FNBP4: variants seen among roughly 807,000 people sequenced by gnomAD.
FNBP4 encodes formin-binding protein 4.
FNBP4 carries 34 observed loss-of-function variants against 119.3 expected under a neutral mutation model. The observed-to-expected ratio is 0.28, with a 90% CI of 0.22 to 0.38. The LOEUF is 0.38. Among genes scored for constraint, FNBP4 ranks in the 10% least tolerant of loss-of-function variants. The pLI is 1.00. For synonymous variants in FNBP4, 462 were observed against 430.6 expected (o/e 1.07, Z -0.90); for missense variants, 1,112 against 1,228.9 (o/e 0.90, Z 1.42).
intron 2 of FNBP4, among the ~76,000 whole-genome samples, chr11:47,761,754 G>C (rs1025248401): frequency 2.0e-5 from 3 of 151,474 alleles, no homozygotes; most frequent in African/African-American, 7.3e-5. Context: ...TCTACAGAAA[G>C]AAAAAAAATT....
Position 47,734,040 on chromosome 11 carries a change from C to T in FNBP4, c.1671G>A (p.Leu557=). Reference sequence around the variant, plus strand: ...AAAGACTTACCTCAGTCTGTAAGAGCAGCACATGAAAGTTGGAGATGGATT... The same window carrying T: ...AAAGACTTACCTCAGTCTGTAAGAGTAGCACATGAAAGTTGGAGATGGATT... ...NRQSISNFHV[L]LLQTETRIAD... Residue 557 remains leucine, a synonymous_variant, in exon 10 of 17, where the codon CTG becomes CTA. Coordinates refer to ENST00000263773, the MANE Select transcript of FNBP4 (RefSeq NM_015308.5). 6.5e-7 allele frequency: 1 copy of T among 1,532,182 alleles called. No homozygotes were observed. 94.9% of individuals were successfully genotyped at this position (1,532,182 alleles called of 1,614,324 possible).
chr11:47,719,865 C>T (rs1473572904), intron 16 of FNBP4, 64 bp downstream of exon 16: 2 of 1,517,628 alleles, frequency 1.3e-6, no homozygotes, highest in African/African-American at 2.8e-5. Context: ...CAACCTACTC[C>T]ATCTCATAGT....
At position 47,732,651 on chromosome 11, in the gene FNBP4, C is replaced by T. The variant is rs758975107; in HGVS notation, c.1706G>A (p.Arg569Gln). The change falls in exon 11 of 17, where the codon CGG becomes CAG. Residue 569 changes from arginine to glutamine, a missense_variant. Physicochemically the swap from Arg to Gln is conservative, Grantham distance 43. Coordinates refer to ENST00000263773, the MANE Select transcript of FNBP4 (RefSeq NM_015308.5). The surrounding 1 kb of genome is among the most constrained non-coding windows in gnomAD (Gnocchi z 4.2). ...LQTETRIADW[R>Q]EGALNGNYLK... is the part of the protein sequence containing the mutation. ...GTAGTTTCCATTAAGAGCCCCTTCC[C>T]GCCAGTCTGCAATTCGAGTCTAGAA... is the stretch of plus-strand genomic sequence containing the variant. The T allele has an allele frequency of 6.8e-6, 11 of 1,614,038 alleles. No individual in the cohort carries two copies. The highest frequency in any genetic ancestry group is 1.3e-5 in the African/African-American group (1 of 74,910).
At chr11:47,766,087 C>T (rs1445187280) in intron 1 of FNBP4, among the ~76,000 whole-genome samples, 1 of 151,960 alleles carries the variant, frequency 6.6e-6, no homozygotes, top group Admixed American at 6.6e-5. Flanking sequence ...TGGCTCTCGC[C>T]TGTAATGATC....
chr11:47,754,383 G>A, intron 3 of FNBP4, 145 bp downstream of exon 3: 1 of 777,052 alleles, frequency 1.3e-6, no homozygotes, highest in East Asian at 2.6e-5. Flanking sequence ...AAGAGAGATA[G>A]AGATCGGGAG....
rs1010774944 is a variant in FNBP4 at position 47,732,165 on chromosome 11, C to T, written c.1820+372G>A. ...TGTTCTTCATTCACATCTTCAGCCA[C>T]GAAGTTTTCCTTAACTTCACCGAGG... On this transcript the variant is annotated intron_variant, in intron 11 of 16. Transcript: ENST00000263773. The surrounding 1 kb of genome is among the most constrained non-coding windows in gnomAD (Gnocchi z 4.2). The T allele has an allele frequency of 9.8e-7, 1 of 1,018,612 alleles. No homozygotes were observed. The highest frequency in any genetic ancestry group is 1.2e-6 in the Non-Finnish European group (1 of 852,032). The allele number at this position is 1,018,612 out of a possible 1,614,324, so 63.1% of individuals were successfully genotyped here.
At chr11:47,750,762 G>A (rs1345619008) in intron 6 of FNBP4, among the ~76,000 whole-genome samples, 154 bp downstream of exon 6, 2 of 147,440 alleles carry the variant, frequency 1.4e-5, no homozygotes, top group African/African-American at 2.5e-5. Context: ...CGCTATAAAG[G>A]CTACATAATA....
At chr11:47,737,557 A>G (rs2097575963) in intron 8 of FNBP4, among the ~76,000 whole-genome samples, 2 of 151,844 alleles carry the variant, frequency 1.3e-5, no homozygotes, top group South Asian at 4.2e-4. Context: ...CTCCCACCTC[A>G]GCCTCCCAAG....
At chr11:47,744,987 T>C (rs1439979103) in intron 7 of FNBP4, among the ~76,000 whole-genome samples, 5 of 152,216 alleles carry the variant, frequency 3.3e-5, no homozygotes, top group South Asian at 4.1e-4. Flanking sequence ...TTCATTTTAA[T>C]ATGGACATTT....
Position 47,746,496 on chromosome 11 carries a change from C to A in FNBP4, c.907-102G>T, listed in dbSNP as rs2097590557. Reference sequence around the variant, plus strand: ...CATTCATATTAACTGTTTTCAGTAGCTGAATACTCAAGGTAAAAACGACTT... The same window carrying A: ...CATTCATATTAACTGTTTTCAGTAGATGAATACTCAAGGTAAAAACGACTT... On this transcript the variant is annotated intron_variant, in intron 6 of 16. Coordinates refer to ENST00000263773, the MANE Select transcript of FNBP4 (RefSeq NM_015308.5). 4 of 1,073,108 alleles carry A rather than the reference C, an allele frequency of 3.7e-6. No individual in the cohort carries two copies. In the African/African-American group the frequency reaches 4.8e-5, roughly 13 times the overall value. 66.5% of individuals were successfully genotyped at this position (1,073,108 alleles called of 1,614,324 possible).
Position 47,751,042 on chromosome 11 carries a change from A to T in FNBP4, c.786-6T>A. 6.2e-7 allele frequency: 1 copy of T among 1,613,300 alleles called. No homozygotes were observed. Among genetic ancestry groups the T allele is most frequent in the Non-Finnish European group, 8.5e-7 (1 of 1,179,812 alleles). On this transcript the variant is annotated splice_region_variant and splice_polypyrimidine_tract_variant and intron_variant, in intron 5 of 16. Coordinates refer to ENST00000263773, the MANE Select transcript of FNBP4 (RefSeq NM_015308.5). ...TTTCAGCACCTGGCACAGAACTAAA[A>T]AAATATATACTTAGCAAGAGAAATA... is the stretch of plus-strand genomic sequence containing the variant.
rs765155062 is a variant in FNBP4 at position 47,731,458 on chromosome 11, T to C, written c.1924A>G (p.Arg642Gly). 1.2e-6 allele frequency: 2 copies of C among 1,614,098 alleles called. No homozygotes were observed. The highest frequency in any genetic ancestry group is 2.2e-5 in the East Asian group (1 of 44,884). Residue 642 changes from arginine (R) to glycine (G), a missense_variant, in exon 12 of 17, where the codon AGA becomes GGA. Physicochemically the swap from Arg to Gly is moderately radical, Grantham distance 125. Transcript: ENST00000263773. ...GTCTGTTTGGCAAGAGTCTCATCTC[T>C]ATTTTCTTGTGCTTGGCTTTCTTCT... is the stretch of plus-strand genomic sequence containing the variant. The part of the protein sequence containing the change: ...EEEESQAQEN[R>G]DETLAKQTLK...
At chr11:47,730,124 T>C (rs1381413376) in intron 12 of FNBP4, 1 of 985,354 alleles carries the variant, frequency 1.0e-6, no homozygotes, top group Non-Finnish European at 1.2e-6. Flanking sequence ...ATAAGGGATG[T>C]TGACAGTGGT....
chr11:47,747,019 T>C (rs1161832804), intron 6 of FNBP4, among the ~76,000 whole-genome samples: 1 of 152,110 alleles, frequency 6.6e-6, no homozygotes, highest in African/African-American at 2.4e-5. Flanking sequence ...TGGATAAATC[T>C]TTACCTTCTT....
intron 12 of FNBP4, chr11:47,729,424 C>A (rs967476483): frequency 1.0e-6 from 1 of 985,110 alleles, no homozygotes; most frequent in African/African-American, 1.7e-5. Flanking sequence ...AACACTGAAA[C>A]AACAAATAAT....
chr11:47,764,879 G>A (rs567472178), intron 2 of FNBP4, among the ~76,000 whole-genome samples: 1 of 152,100 alleles, frequency 6.6e-6, no homozygotes, highest in Non-Finnish European at 1.5e-5. Flanking sequence ...GCATTCCTTT[G>A]TACTTGAAAA....
chr11:47,757,568 A>G (rs2097622130), intron 2 of FNBP4, among the ~76,000 whole-genome samples: 1 of 151,340 alleles, frequency 6.6e-6, no homozygotes, highest in African/African-American at 2.4e-5. Flanking sequence ...ATCTTGGCTC[A>G]TTGCAACCTC....
In FNBP4 at chr11:47,732,283, C is replaced by T; in HGVS notation, c.1820+254G>A. 7.4e-7 allele frequency: 1 copy of T among 1,344,208 alleles called. No individual in the cohort carries two copies. 83.3% of individuals were successfully genotyped at this position (1,344,208 alleles called of 1,614,324 possible). On this transcript the variant is annotated intron_variant, in intron 11 of 16. Transcript: ENST00000263773. The surrounding 1 kb of genome is among the most constrained non-coding windows in gnomAD (Gnocchi z 4.2). ...CAAGCCCGCCCTACTCCGTGCAACA[C>T]TCTGGAGAGTAAAAACCAGCTTTGT... is the stretch of plus-strand genomic sequence containing the variant.
chr11:47,728,615 A>G (rs1044937754), intron 12 of FNBP4, among the ~76,000 whole-genome samples: 4 of 152,076 alleles, frequency 2.6e-5, no homozygotes, highest in African/African-American at 9.7e-5. Context: ...AGCTCACTGC[A>G]GCTTCAACCT....
Sources: gnomAD v4.1 joint callset for allele counts (sites outside exome capture counted in the v4.1 genomes callset) on GRCh38, gnomAD v4.1.1 for gene constraint, Gnocchi (gnomAD v3.1) non-coding constraint, MANE v1.5 for transcripts, NCBI Gene and HGNC (gene_info 2026-07-23, HGNC 2026-07-21) for gene names.